SEMA3A: variants seen among roughly 807,000 people sequenced by gnomAD.
The protein encoded by SEMA3A is semaphorin-3A.
Under a neutral mutation model 97.9 loss-of-function variants are expected in SEMA3A, and 29 were observed. That is an observed-to-expected ratio of 0.30 (90% CI 0.22 to 0.40). The LOEUF (loss-of-function observed/expected upper bound fraction) is 0.40, where lower values mean the gene tolerates loss of function less well. SEMA3A is among the 10% of genes least tolerant of loss of function. The pLI is 1.00. For synonymous variants in SEMA3A, 321 were observed against 323.7 expected, an observed-to-expected ratio of 0.99 and a Z score of 0.09; for missense variants, 763 against 951.3, an observed-to-expected ratio of 0.80 and a Z score of 2.60.
intron 1 of SEMA3A, among the ~76,000 whole-genome samples, chr7:84,147,781 T>A (rs890188399): frequency 1.3e-5 from 2 of 152,244 alleles, no homozygotes; most frequent in Non-Finnish European, 2.9e-5. Flanking sequence ...CTTTACTCTC[T>A]TCATTCTTTA....
intron 3 of SEMA3A, among the ~76,000 whole-genome samples, chr7:84,221,364 T>G (rs183186667): frequency 6.6e-6 from 1 of 151,594 alleles, no homozygotes; most frequent in African/African-American, 2.4e-5. Context: ...TTCTTATCAT[T>G]TGTGTGTTCA....
chr7:83,984,050 GTTTT>G (rs961388675), intron 13 of SEMA3A, among the ~76,000 whole-genome samples: 8 of 152,078 alleles, frequency 5.3e-5, no homozygotes, highest in Non-Finnish European at 8.8e-5. Flanking sequence ...CTGATAGATT[GTTTT>G]TCTTTGTCAG....
At chr7:84,109,153 A>G (rs567789489) in intron 4 of SEMA3A, among the ~76,000 whole-genome samples, 43 of 152,276 alleles carry the variant, frequency 2.8e-4, no homozygotes, top group Middle Eastern at 6.8e-3. Context: ...AGAGAGAGTG[A>G]CTAAATCAGG....
At chr7:84,351,666 T>C (rs1387556438) in intron 2 of SEMA3A, among the ~76,000 whole-genome samples, 1 of 151,944 alleles carries the variant, frequency 6.6e-6, no homozygotes, top group Non-Finnish European at 1.5e-5. Context: ...AAAACTAAAA[T>C]AGGATATCAT....
At chr7:83,989,461 T>A in intron 12 of SEMA3A, among the ~76,000 whole-genome samples, 1 of 54,166 alleles carries the variant, frequency 1.8e-5, no homozygotes, top group Non-Finnish European at 4.8e-5. Flanking sequence ...ATGCTATCCC[T>A]CCCCCCTCCC....
At chr7:84,465,348 T>C (rs1376654263) in intron 1 of SEMA3A, among the ~76,000 whole-genome samples, 1 of 152,158 alleles carries the variant, frequency 6.6e-6, no homozygotes. Flanking sequence ...ATGTTAGACA[T>C]ATAATACCTC....
chr7:84,180,398 C>T (rs1002227530), intron 1 of SEMA3A, among the ~76,000 whole-genome samples: 7 of 151,924 alleles, frequency 4.6e-5, no homozygotes, highest in Non-Finnish European at 7.4e-5. Context: ...AAAAAATTAA[C>T]CTGACGAGGC....
intron 12 of SEMA3A, among the ~76,000 whole-genome samples, chr7:83,986,845 G>A (rs1789651463): frequency 7.8e-6 from 1 of 128,550 alleles, no homozygotes; most frequent in Non-Finnish European, 1.8e-5. Context: ...AAAGTTAGAT[G>A]GTACCTCTTA....
intron 4 of SEMA3A, among the ~76,000 whole-genome samples, chr7:84,070,807 G>A (rs372602540): frequency 2.6e-5 from 4 of 152,096 alleles, no homozygotes; most frequent in South Asian, 2.1e-4. Flanking sequence ...CCCCCAGCCT[G>A]AGGGTGACCT....
intron 5 of SEMA3A, among the ~76,000 whole-genome samples, chr7:84,052,076 G>A (rs1308848738): frequency 7.9e-5 from 12 of 152,068 alleles, no homozygotes; most frequent in South Asian, 4.1e-4. Context: ...TGATCATGGC[G>A]GATAAGCTTT....
chr7:84,034,793 T>TC (rs1791882784), intron 6 of SEMA3A, among the ~76,000 whole-genome samples: 2 of 151,582 alleles, frequency 1.3e-5, no homozygotes, highest in African/African-American at 4.8e-5. Flanking sequence ...TTTTGTCTTT[T>TC]TTTTCCCCTT....
chr7:84,082,167 C>G (rs145506229), intron 4 of SEMA3A, among the ~76,000 whole-genome samples: 5 of 152,278 alleles, frequency 3.3e-5, no homozygotes, highest in Non-Finnish European at 7.4e-5. Context: ...TAATGTCATT[C>G]TCTTCTAAGT....
At chr7:84,314,363 C>T (rs1801442899) in intron 2 of SEMA3A, among the ~76,000 whole-genome samples, 1 of 152,104 alleles carries the variant, frequency 6.6e-6, no homozygotes, top group Non-Finnish European at 1.5e-5. Context: ...ACACTTGCCA[C>T]ACCACTGATT....
chr7:84,360,888 A>T (rs1802701896), intron 2 of SEMA3A, among the ~76,000 whole-genome samples: 1 of 151,966 alleles, frequency 6.6e-6, no homozygotes, highest in African/African-American at 2.4e-5. Context: ...CTGCCATGCC[A>T]GGTTCAAATG....
chr7:84,411,314 A>C (rs1404059699), intron 1 of SEMA3A, among the ~76,000 whole-genome samples: 4 of 152,124 alleles, frequency 2.6e-5, no homozygotes, highest in Non-Finnish European at 4.4e-5. Flanking sequence ...AGTAGAAAGC[A>C]CAGTCATTGG....
At chr7:84,241,577 T>A (rs1422463818) in intron 3 of SEMA3A, among the ~76,000 whole-genome samples, 1 of 152,134 alleles carries the variant, frequency 6.6e-6, no homozygotes, top group Non-Finnish European at 1.5e-5. Flanking sequence ...CTGATGATAG[T>A]TTTTTTGTTT....
At chr7:84,300,746 AGTT>A (rs1800989277) in intron 3 of SEMA3A, among the ~76,000 whole-genome samples, 1 of 152,144 alleles carries the variant, frequency 6.6e-6, no homozygotes, top group Non-Finnish European at 1.5e-5. Flanking sequence ...AACATTGCAT[AGTT>A]ATTAAAAGAG....
intron 1 of SEMA3A, among the ~76,000 whole-genome samples, chr7:84,476,357 T>C (rs1014434770): frequency 6.9e-6 from 1 of 144,190 alleles, no homozygotes; most frequent in African/African-American, 2.6e-5. Context: ...AGACTCCATC[T>C]CAAAAAAAAA....
intron 12 of SEMA3A, among the ~76,000 whole-genome samples, chr7:83,989,006 A>C (rs1303824016): frequency 6.6e-6 from 1 of 152,106 alleles, no homozygotes; most frequent in Non-Finnish European, 1.5e-5. Context: ...TTTGTACAAT[A>C]TTGGAATCAA....
Sources: gnomAD v4.1 joint callset for allele counts (sites outside exome capture counted in the v4.1 genomes callset) on GRCh38, gnomAD v4.1.1 for gene constraint, MANE v1.5 for transcripts, NCBI Gene and HGNC (gene_info 2026-07-23, HGNC 2026-07-21) for gene names.